The following PLA2G2C variants were observed in gnomAD, a reference collection of about 807,000 sequenced individuals.
PLA2G2C encodes the protein putative inactive group IIC secretory phospholipase A2.
A neutral mutation model predicts 14.3 loss-of-function variants in PLA2G2C; 15 were observed. That is an observed-to-expected ratio of 1.05 (90% confidence interval 0.70 to 1.62). The LOEUF is 1.62. Among genes scored for constraint, PLA2G2C ranks in the 40% most tolerant of loss-of-function variants. PLA2G2C has a pLI of 0.00. For synonymous variants in PLA2G2C, 79 were observed against 67.7 expected, an observed-to-expected ratio of 1.17 and a Z score of -0.82; for missense variants, 162 against 173.2, an observed-to-expected ratio of 0.94 and a Z score of 0.36.
At chr1:20,175,263 G>A in intron 2 of PLA2G2C, 118 bp from the exon 3 acceptor site, 2 of 1,460,124 alleles carry the variant, frequency 1.4e-6, no homozygotes, top group Non-Finnish European at 1.9e-6. Context: ...GATCCCCAAA[G>A]CGAAGTGCAA....
intron 3 of PLA2G2C, among the ~76,000 whole-genome samples, chr1:20,174,190 A>G (rs1221791038): frequency 1.3e-5 from 2 of 152,134 alleles, no homozygotes; most frequent in South Asian, 2.1e-4. Flanking sequence ...CCCACCCACA[A>G]GACTCGAGCT....
At chr1:20,174,873 C>T (rs1055133224) in intron 3 of PLA2G2C, 134 bp downstream of exon 3, 1 of 930,230 alleles carries the variant, frequency 1.1e-6, no homozygotes, top group Non-Finnish European at 1.6e-6. Flanking sequence ...AAATCCCGTT[C>T]AGTTCTTCCT....
intron 1 of PLA2G2C, among the ~76,000 whole-genome samples, chr1:20,182,362 C>T (rs1440223653): frequency 1.3e-5 from 2 of 152,186 alleles, no homozygotes; most frequent in African/African-American, 2.4e-5. Context: ...CAAATACTTA[C>T]TATTGTGTTA....
chr1:20,172,356 C>CT, intron 4 of PLA2G2C, among the ~76,000 whole-genome samples: 1 of 152,076 alleles, frequency 6.6e-6, no homozygotes, highest in East Asian at 1.9e-4. Context: ...CACCTATTTG[C>CT]TTTTGTGGCC....
At chr1:20,182,352 C>G (rs1388139569) in intron 1 of PLA2G2C, among the ~76,000 whole-genome samples, 1 of 152,174 alleles carries the variant, frequency 6.6e-6, no homozygotes, top group Non-Finnish European at 1.5e-5. Flanking sequence ...TTTGGATACA[C>G]AAATACTTAC....
chr1:20,163,785 TCCCA>T lies in PLA2G2C; in HGVS notation c.*202_*205del. On this transcript the variant is annotated 3_prime_UTR_variant, in exon 5 of 5. Transcript: ENST00000679259. ...TCCTGCAGGGCAGGCATCTCATCTT[TCCCA>T]TTTCTGCTCTCCAGCCCTCTGATGC... 1.7e-6 allele frequency: 1 copy of T among 580,476 alleles called. No individual in the cohort carries two copies. 36.0% of individuals were successfully genotyped at this position (580,476 alleles called of 1,614,324 possible).
In PLA2G2C at chr1:20,175,005, AC is replaced by A; in HGVS notation, c.179+1del. 1 of 1,610,486 alleles carries A rather than the reference AC, an allele frequency of 6.2e-7. No homozygotes were observed. Among genetic ancestry groups the A allele is most frequent in the Non-Finnish European group, 8.5e-7 (1 of 1,179,230 alleles). On this transcript the variant is annotated splice_donor_variant, in intron 3 of 4. Coordinates refer to ENST00000679259, the MANE Select transcript of PLA2G2C (RefSeq NM_001367969.2). LOFTEE classifies it high-confidence loss of function. ...AAGTGGCCTTAGAGCCTCTGCACCCACCTGTCAGTGTCATCCACGGGGATCC... is the reference window on the plus strand; with the variant it reads ...AAGTGGCCTTAGAGCCTCTGCACCCACTGTCAGTGTCATCCACGGGGATCC...
chr1:20,164,720 G>T (rs2017945905), intron 4 of PLA2G2C, among the ~76,000 whole-genome samples: 1 of 152,232 alleles, frequency 6.6e-6, no homozygotes, highest in Non-Finnish European at 1.5e-5. Flanking sequence ...ATATCCTAGT[G>T]CTCCCTCTGC....
intron 1 of PLA2G2C, among the ~76,000 whole-genome samples, chr1:20,178,471 C>T (rs2018225040): frequency 6.6e-6 from 1 of 152,190 alleles, no homozygotes; most frequent in Non-Finnish European, 1.5e-5. Flanking sequence ...ATCAGGGTGT[C>T]TTTGCTATCT....
intron 4 of PLA2G2C, among the ~76,000 whole-genome samples, chr1:20,171,790 C>A (rs1312676429): frequency 7.6e-6 from 1 of 130,732 alleles, no homozygotes; most frequent in Non-Finnish European, 1.6e-5. Context: ...GAGACGGAGT[C>A]TCGCTCTGTG....
chr1:20,177,671 T>G (rs1487882343), intron 1 of PLA2G2C, among the ~76,000 whole-genome samples: 2 of 152,158 alleles, frequency 1.3e-5, no homozygotes, highest in Non-Finnish European at 2.9e-5. Flanking sequence ...CCAAATTTCT[T>G]TCTTTGGCAA....
intron 4 of PLA2G2C, among the ~76,000 whole-genome samples, chr1:20,167,762 TC>T (rs1332340838): frequency 6.6e-6 from 1 of 152,108 alleles, no homozygotes; most frequent in Non-Finnish European, 1.5e-5. Context: ...TCTCCATTCT[TC>T]CCCAAGGCTC....
At chr1:20,181,296 A>G (rs1015038686) in intron 1 of PLA2G2C, among the ~76,000 whole-genome samples, 1 of 152,178 alleles carries the variant, frequency 6.6e-6, no homozygotes, top group African/African-American at 2.4e-5. Flanking sequence ...AATAAAAACA[A>G]TAACTGCAAC....
intron 4 of PLA2G2C, among the ~76,000 whole-genome samples, chr1:20,167,194 G>C (rs574649893): frequency 6.6e-6 from 1 of 152,268 alleles, no homozygotes; most frequent in Non-Finnish European, 1.5e-5. Context: ...TTCTTGGTCA[G>C]TGTCAGAACT....
chr1:20,185,163 A>G (rs971558704), intron 1 of PLA2G2C, among the ~76,000 whole-genome samples: 5 of 152,098 alleles, frequency 3.3e-5, no homozygotes, highest in Non-Finnish European at 7.4e-5. Flanking sequence ...AAAAGAAGAA[A>G]GGAGGGAGAG....
chr1:20,181,318 C>T (rs2018276116), intron 1 of PLA2G2C, among the ~76,000 whole-genome samples: 1 of 152,044 alleles, frequency 6.6e-6, no homozygotes, highest in Admixed American at 6.6e-5. Flanking sequence ...CCTTGAGTAC[C>T]AACAGGAGGC....
At position 20,172,873 on chromosome 1, in the gene PLA2G2C, G is replaced by T; in HGVS notation, c.204C>A (p.Pro68=). Reference sequence around the variant, plus strand: ...AGCTGAACTCCTTCAGCTTCTCGTAGGGAGAGGGAGATGAGGGGCTGTGCC... The same window carrying T: ...AGCTGAACTCCTTCAGCTTCTCGTATGGAGAGGGAGATGAGGGGCTGTGCC... ...TDRHSPSSPS[P]YEKLKEFSCQ... The change falls in exon 4 of 5, where the codon CCC becomes CCA. Residue 68 remains proline, a synonymous_variant. Coordinates refer to ENST00000679259, the MANE Select transcript of PLA2G2C (RefSeq NM_001367969.2). 6.2e-7 allele frequency: 1 copy of T among 1,613,834 alleles called. No homozygotes were observed. Among genetic ancestry groups the T allele is most frequent in the Non-Finnish European group, 8.5e-7 (1 of 1,179,830 alleles).
chr1:20,176,461 CAG>C (rs1350464000), intron 2 of PLA2G2C, among the ~76,000 whole-genome samples: 1 of 152,134 alleles, frequency 6.6e-6, no homozygotes, highest in African/African-American at 2.4e-5. Flanking sequence ...AGAAGAGAAA[CAG>C]AAATAGAGTT....
rs139815810 is a variant in PLA2G2C at position 20,177,740 on chromosome 1, G to A, written c.-76-301C>T. 2.2e-3 allele frequency among the ~76,000 whole-genome samples: 339 copies of A among 151,456 alleles called. 2 individuals are homozygous for A. Among genetic ancestry groups the A allele is most frequent in the East Asian group, 2.3e-3 (12 of 5,144 alleles). Reference sequence around the variant, plus strand: ...AGGAGTCCATATTTCCTCTGTTCCCGAGTTGGAAAGGCACCTATGTTGTTC... The same window carrying A: ...AGGAGTCCATATTTCCTCTGTTCCCAAGTTGGAAAGGCACCTATGTTGTTC... On this transcript the variant is annotated intron_variant, in intron 1 of 4. Coordinates refer to ENST00000679259, the MANE Select transcript of PLA2G2C (RefSeq NM_001367969.2).
Sources: allele counts gnomAD v4.1 joint callset (sites outside exome capture counted in the v4.1 genomes callset), GRCh38; gene constraint gnomAD v4.1.1; transcripts MANE v1.5; gene names NCBI Gene and HGNC (gene_info 2026-07-23, HGNC 2026-07-21).